FSHR: variants seen among roughly 807,000 people sequenced by gnomAD.
FSHR encodes the protein follicle stimulating hormone receptor, also known as follicle-stimulating hormone receptor.
In FSHR, 46 loss-of-function variants were observed where a neutral mutation model predicts 52.1. The ratio of observed to expected loss-of-function variants is 0.88; its 90% confidence interval spans 0.70 to 1.13. The LOEUF is 1.13. Ranked by LOEUF, FSHR falls within the 50% of genes most tolerant of loss-of-function variation. The pLI, the probability that FSHR is intolerant of heterozygous loss-of-function variation, is 0.00. For synonymous variants in FSHR, 399 were observed against 309.6 expected, an observed-to-expected ratio of 1.29 and a Z score of -3.03; for missense variants, 964 against 834.6, an observed-to-expected ratio of 1.16 and a Z score of -1.91.
At chr2:48,986,135 C>A (rs926102395) in intron 6 of FSHR, among the ~76,000 whole-genome samples, 3 of 152,210 alleles carry the variant, frequency 2.0e-5, no homozygotes, top group Non-Finnish European at 4.4e-5. Flanking sequence ...TCTCTCTCCT[C>A]CCTCAGGTAG....
chr2:49,013,523 TATAA>T (rs1159517676), intron 4 of FSHR, among the ~76,000 whole-genome samples: 1 of 143,528 alleles, frequency 7.0e-6, no homozygotes, highest in African/African-American at 2.6e-5. Context: ...TATAAATATA[TATAA>T]AAATATATAT....
At chr2:48,973,266 A>ACACACACGCACACGCACACG (rs146365090) in intron 8 of FSHR, among the ~76,000 whole-genome samples, 3 of 151,132 alleles carry the variant, frequency 2.0e-5, no homozygotes, top group African/African-American at 7.3e-5. Flanking sequence ...ACACACACAC[A>ACACACACGCACACGCACACG]CACATGCACA....
chr2:49,016,409 A>T (rs1215499922), intron 4 of FSHR, among the ~76,000 whole-genome samples: 2 of 152,246 alleles, frequency 1.3e-5, no homozygotes, highest in South Asian at 2.1e-4. Flanking sequence ...ATAGTGTGCT[A>T]GTTCAGGATC....
intron 4 of FSHR, among the ~76,000 whole-genome samples, chr2:49,002,390 G>C (rs1559122611): frequency 6.6e-6 from 1 of 152,014 alleles, no homozygotes; most frequent in African/African-American, 2.4e-5. Flanking sequence ...TTGAGGCCCA[G>C]TGTATTAGTC....
At chr2:49,109,743 T>G (rs1044140681) in intron 1 of FSHR, among the ~76,000 whole-genome samples, 1 of 152,170 alleles carries the variant, frequency 6.6e-6, no homozygotes, top group African/African-American at 2.4e-5. Flanking sequence ...TCTCAGAAAT[T>G]GCTTTTTCCT....
At chr2:49,046,126 G>T (rs1038942961) in intron 2 of FSHR, among the ~76,000 whole-genome samples, 3 of 152,202 alleles carry the variant, frequency 2.0e-5, no homozygotes, top group Non-Finnish European at 2.9e-5. Flanking sequence ...TGTCCCAGCT[G>T]CTACTTAAAG....
In FSHR at chr2:49,127,419, C is replaced by T. The variant is rs572402617; in HGVS notation, c.152+26847G>A. Among the ~76,000 whole-genome samples, 73 of 151,756 alleles carry T rather than the reference C, an allele frequency of 4.8e-4. 1 individual carries two copies. In the Middle Eastern group the frequency reaches 0.028, roughly 57 times the overall value. On this transcript the variant is annotated intron_variant, in intron 1 of 9. Transcript: ENST00000406846. ...ATATAAAAGAGTAGATGAGAAGTAGCAAGAAAAGTGCATCATGGAGAAAAA... is the reference window on the plus strand; with the variant it reads ...ATATAAAAGAGTAGATGAGAAGTAGTAAGAAAAGTGCATCATGGAGAAAAA...
intron 1 of FSHR, among the ~76,000 whole-genome samples, chr2:49,071,809 A>AGGAAG (rs1459295570): frequency 1.3e-5 from 2 of 152,086 alleles, no homozygotes; most frequent in African/African-American, 4.8e-5. Context: ...ATGAAGGATG[A>AGGAAG]GGAAGGGAAG....
intron 2 of FSHR, among the ~76,000 whole-genome samples, chr2:49,044,236 A>G (rs186854450): frequency 1.1e-4 from 16 of 152,210 alleles, no homozygotes; most frequent in Admixed American, 7.9e-4. Context: ...TTTTTTTCTG[A>G]TTATATAAAG....
chr2:49,014,593 C>T (rs1922482), intron 4 of FSHR: 6 of 232,208 alleles, frequency 2.6e-5, no homozygotes, highest in Non-Finnish European at 5.1e-5. Flanking sequence ...GGTCCTCATT[C>T]ATAAGAACAA....
chr2:49,033,061 A>G (rs913987807), intron 2 of FSHR, among the ~76,000 whole-genome samples: 9 of 152,162 alleles, frequency 5.9e-5, no homozygotes, highest in Non-Finnish European at 5.9e-5. Flanking sequence ...ACCACAAGCA[A>G]TTTTCCCCCT....
intron 1 of FSHR, among the ~76,000 whole-genome samples, chr2:49,137,549 C>A (rs1322319387): frequency 6.6e-6 from 1 of 151,904 alleles, no homozygotes; most frequent in African/African-American, 2.4e-5. Context: ...TGAAGGAGAA[C>A]AAAGTTGGAG....
intron 2 of FSHR, among the ~76,000 whole-genome samples, chr2:49,027,700 A>C (rs370708567): frequency 6.6e-6 from 1 of 152,064 alleles, no homozygotes; most frequent in Non-Finnish European, 1.5e-5. Context: ...AAATACAAAA[A>C]CTAGACAGGT....
At chr2:49,102,715 T>C (rs912288974) in intron 1 of FSHR, among the ~76,000 whole-genome samples, 2 of 152,186 alleles carry the variant, frequency 1.3e-5, no homozygotes, top group Admixed American at 6.6e-5. Flanking sequence ...TCTAGGATGA[T>C]GTATAATCTG....
intron 2 of FSHR, among the ~76,000 whole-genome samples, chr2:49,050,676 C>A (rs1161717052): frequency 6.6e-6 from 1 of 152,138 alleles, no homozygotes; most frequent in African/African-American, 2.4e-5. Flanking sequence ...CCTGTCTATA[C>A]AGTGTGAGTT....
intron 1 of FSHR, among the ~76,000 whole-genome samples, chr2:49,130,291 T>A (rs981398687): frequency 6.6e-6 from 1 of 152,182 alleles, no homozygotes; most frequent in African/African-American, 2.4e-5. Context: ...TTGCCTGTAT[T>A]GTTATCATGT....
intron 1 of FSHR, among the ~76,000 whole-genome samples, chr2:49,135,079 T>C (rs1672437942): frequency 6.6e-6 from 1 of 152,142 alleles, no homozygotes; most frequent in Non-Finnish European, 1.5e-5. Context: ...ATATCAAGTA[T>C]ATAAAAGACT....
chr2:49,067,380 A>T (rs1009078955), intron 2 of FSHR, among the ~76,000 whole-genome samples: 2 of 152,146 alleles, frequency 1.3e-5, no homozygotes, highest in Non-Finnish European at 2.9e-5. Context: ...GATAAAGTTA[A>T]TGACTTCAAG....
chr2:49,088,377 C>T (rs891254648), intron 1 of FSHR, among the ~76,000 whole-genome samples: 2 of 152,128 alleles, frequency 1.3e-5, no homozygotes, highest in African/African-American at 4.8e-5. Context: ...CACAAAGATG[C>T]CCCAAGAAGG....
Sources: allele counts gnomAD v4.1 joint callset (sites outside exome capture counted in the v4.1 genomes callset), GRCh38; gene constraint gnomAD v4.1.1; transcripts MANE v1.5; gene names NCBI Gene and HGNC (gene_info 2026-07-23, HGNC 2026-07-21).